Variants in FAM13A observed in about 807,000 individuals in gnomAD.
FAM13A encodes the protein protein FAM13A.
Under a neutral mutation model 129.6 loss-of-function variants are expected in FAM13A, and 76 were observed. The ratio of observed to expected loss-of-function variants is 0.59; its 90% CI spans 0.49 to 0.71. The LOEUF (loss-of-function observed/expected upper bound fraction) is 0.71, where lower values mean the gene tolerates loss of function less well. Among genes scored for constraint, FAM13A ranks in the 30% least tolerant of loss-of-function variants. The pLI is 0.00. For missense variants in FAM13A, 1,108 were observed against 1,249.3 expected (o/e 0.89, Z 1.70); for synonymous variants, 443 against 449.9 (o/e 0.98, Z 0.20).
At chr4:88,817,334 G>A (rs1201465061) in intron 7 of FAM13A, among the ~76,000 whole-genome samples, 6 of 152,142 alleles carry the variant, frequency 3.9e-5, no homozygotes, top group South Asian at 4.2e-4. Context: ...AGGCTGAGGC[G>A]GGTAGATCAC....
intron 7 of FAM13A, among the ~76,000 whole-genome samples, chr4:88,848,598 A>C (rs907891547): frequency 6.6e-6 from 1 of 152,184 alleles, no homozygotes; most frequent in Non-Finnish European, 1.5e-5. Flanking sequence ...GACTTCGGGA[A>C]GGCTCTTACT....
At chr4:88,879,644 T>C (rs1218387627) in intron 6 of FAM13A, among the ~76,000 whole-genome samples, 1 of 152,144 alleles carries the variant, frequency 6.6e-6, no homozygotes, top group Non-Finnish European at 1.5e-5. Context: ...CTCTGGCCAA[T>C]GGGTTCTGAG....
intron 4 of FAM13A, among the ~76,000 whole-genome samples, chr4:88,981,127 G>T (rs1396957829): frequency 6.8e-6 from 1 of 146,404 alleles, no homozygotes; most frequent in African/African-American, 2.6e-5. Flanking sequence ...TCAAGGAATA[G>T]AATTAATTTA....
At chr4:88,746,849 C>A in intron 19 of FAM13A, 83 bp downstream of exon 19, 1 of 887,758 alleles carries the variant, frequency 1.1e-6, no homozygotes. Flanking sequence ...TAGGGAACCC[C>A]ATTTGTAAAA....
At chr4:88,912,087 G>A (rs1042015399) in intron 5 of FAM13A, among the ~76,000 whole-genome samples, 10 of 152,174 alleles carry the variant, frequency 6.6e-5, no homozygotes, top group African/African-American at 2.4e-4. Context: ...TCACTGGTAG[G>A]TGGCTTTTGA....
intron 4 of FAM13A, among the ~76,000 whole-genome samples, chr4:88,949,863 C>T (rs551934989): frequency 6.6e-6 from 1 of 152,340 alleles, no homozygotes; most frequent in South Asian, 2.1e-4. Context: ...GTTAATCCAA[C>T]TCATGAGTGC....
rs1419288104 is a variant in FAM13A, at chr4:88,726,420, C to T, written c.*2113G>A. On this transcript the variant is annotated 3_prime_UTR_variant, in exon 24 of 24. Coordinates refer to ENST00000264344, the MANE Select transcript of FAM13A (RefSeq NM_014883.4). Reference sequence around the variant, plus strand: ...AATCATACAAATTCAAATGGGGATTCCTGAATAAATCTTTAGTTAATTTAC... The same window carrying T: ...AATCATACAAATTCAAATGGGGATTTCTGAATAAATCTTTAGTTAATTTAC... 3.3e-5 allele frequency: 5 copies of T among 152,464 alleles called. No individual in the cohort carries two copies. The highest frequency in any genetic ancestry group is 5.9e-5 in the Non-Finnish European group (4 of 68,016). The allele number at this position is 152,464 out of a possible 1,614,324, so 9.4% of individuals were successfully genotyped here.
chr4:88,907,916 A>G (rs2150238497), intron 5 of FAM13A, among the ~76,000 whole-genome samples: 1 of 152,358 alleles, frequency 6.6e-6, no homozygotes, highest in Admixed American at 6.5e-5. Flanking sequence ...TGATGTGTCC[A>G]AGATCACATA....
intron 4 of FAM13A, among the ~76,000 whole-genome samples, chr4:88,964,633 CTTTT>C (rs763599993): frequency 2.9e-5 from 4 of 135,662 alleles, no homozygotes; most frequent in Admixed American, 7.5e-5. Flanking sequence ...ACACTCTGCT[CTTTT>C]TTTTTTTTTT....
intron 7 of FAM13A, among the ~76,000 whole-genome samples, chr4:88,809,585 A>T (rs1201074907): frequency 6.6e-6 from 1 of 152,136 alleles, no homozygotes; most frequent in South Asian, 2.1e-4. Context: ...TATAAAGTAA[A>T]CATTTTTTCA....
intron 3 of FAM13A, among the ~76,000 whole-genome samples, chr4:89,005,791 CT>C (rs149030867): frequency 0.13 from 19,768 of 152,156 alleles, 1,508 homozygotes; most frequent in Non-Finnish European, 0.17. Flanking sequence ...GTTTAGCTTC[CT>C]TATAGAGGCT....
intron 7 of FAM13A, among the ~76,000 whole-genome samples, chr4:88,838,019 A>G (rs1389503552): frequency 6.6e-6 from 1 of 152,212 alleles, no homozygotes. Context: ...ATTATTCCCT[A>G]AACAATATAA....
At chr4:88,813,139 A>G (rs566213823) in intron 7 of FAM13A, among the ~76,000 whole-genome samples, 37 of 152,264 alleles carry the variant, frequency 2.4e-4, no homozygotes, top group Middle Eastern at 6.8e-3. Context: ...CCAGAAAATG[A>G]TATGTTCGGG....
chr4:88,946,739 G>A (rs191712497), intron 4 of FAM13A, among the ~76,000 whole-genome samples: 5 of 151,920 alleles, frequency 3.3e-5, no homozygotes, highest in Admixed American at 1.3e-4. Context: ...GGTTTATAAG[G>A]ACTCTGGCTA....
At position 88,746,996 on chromosome 4, in the gene FAM13A, A is replaced by G. The variant is rs756472575; in HGVS notation, c.2402T>C (p.Ile801Thr). Reference sequence around the variant, plus strand: ...CTGCAGAGCCACTTTCTCATTAGCAATCTGGTCTTTGGTCATATCCTGTAT... The same window carrying G: ...CTGCAGAGCCACTTTCTCATTAGCAGTCTGGTCTTTGGTCATATCCTGTAT... ...EDIKDMTKDQ[I>T]ANEKVALQKA... Residue 801 changes from isoleucine (I) to threonine (T), a missense_variant, in exon 19 of 24, where the codon ATT becomes ACT. Around this residue, in one of 3 missense-constraint regions of FAM13A, gnomAD observed 529 missense variants for 621.2 expected, o/e 0.85. Coordinates refer to ENST00000264344, the MANE Select transcript of FAM13A (RefSeq NM_014883.4). The G allele has an allele frequency of 1.2e-6, 2 of 1,612,710 alleles. No individual in the cohort carries two copies. Among genetic ancestry groups the G allele is most frequent in the East Asian group, 2.2e-5 (1 of 44,856 alleles).
At chr4:88,803,719 T>C (rs2149738653) in intron 8 of FAM13A, among the ~76,000 whole-genome samples, 1 of 152,326 alleles carries the variant, frequency 6.6e-6, no homozygotes, top group South Asian at 2.1e-4. Flanking sequence ...TGTCTCATAC[T>C]GAAACCTCAA....
At chr4:88,960,983 T>G (rs1258987548) in intron 4 of FAM13A, among the ~76,000 whole-genome samples, 1 of 152,206 alleles carries the variant, frequency 6.6e-6, no homozygotes, top group Non-Finnish European at 1.5e-5. Flanking sequence ...GCATTTGTAT[T>G]AATTCTTAAC....
intron 19 of FAM13A, among the ~76,000 whole-genome samples, chr4:88,742,753 A>C (rs1740527530): frequency 6.6e-6 from 1 of 152,202 alleles, no homozygotes; most frequent in African/African-American, 2.4e-5. Flanking sequence ...GTTTGAGTTG[A>C]CATCTCTTAT....
chr4:88,851,078 C>T lies in FAM13A; in HGVS notation c.949G>A (p.Ala317Thr). 2 of 1,613,828 alleles carry T rather than the reference C, an allele frequency of 1.2e-6. No individual in the cohort carries two copies. The highest frequency in any genetic ancestry group is 8.5e-7 in the Non-Finnish European group (1 of 1,179,980). ...QLSLRLSYRK[A>T]CLEDMNSAEG... ...GCTGAATTCATGTCTTCCAAGCAGGCTTTTCTATAACTTAGCCGCAAGCTG... is the reference window on the plus strand; with the variant it reads ...GCTGAATTCATGTCTTCCAAGCAGGTTTTTCTATAACTTAGCCGCAAGCTG... Residue 317 changes from alanine to threonine, a missense_variant, in exon 7 of 24, where the codon GCC (alanine) becomes ACC (threonine). Physicochemically the swap from Ala to Thr is moderately conservative, Grantham distance 58. Coordinates refer to ENST00000264344, the MANE Select transcript of FAM13A (RefSeq NM_014883.4).
Sources: gnomAD v4.1 joint callset for allele counts (sites outside exome capture counted in the v4.1 genomes callset) on GRCh38, gnomAD v4.1.1 for gene constraint, gnomAD v4.1.1 regional missense constraint, MANE v1.5 for transcripts, NCBI Gene and HGNC (gene_info 2026-07-23, HGNC 2026-07-21) for gene names.